The following CR2 variants were observed in gnomAD, a reference collection of about 807,000 sequenced individuals.
The protein encoded by CR2 is complement receptor type 2.
CR2 carries 96 observed loss-of-function variants against 123.0 expected under a neutral mutation model. The ratio of observed to expected loss-of-function variants is 0.78; its 90% CI spans 0.66 to 0.93. The LOEUF (loss-of-function observed/expected upper bound fraction) is 0.93, where lower values mean the gene tolerates loss of function less well. Among genes scored for constraint, CR2 ranks in the 40% least tolerant of loss-of-function variants. The pLI, the probability that CR2 is intolerant of heterozygous loss-of-function variation, is 0.00. For synonymous variants in CR2, 484 were observed against 469.5 expected (o/e 1.03, Z -0.40); for missense variants, 1,258 against 1,361.0 (o/e 0.92, Z 1.19).
At chr1:207,472,666 AC>A in intron 9 of CR2, 105 bp from the exon 10 acceptor site, 1 of 1,159,484 alleles carries the variant, frequency 8.6e-7, no homozygotes, top group Non-Finnish European at 1.3e-6. Flanking sequence ...ATGTACCCAT[AC>A]CGTCCAGGAA....
chr1:207,460,356 A>G (rs768171147), intron 1 of CR2, among the ~76,000 whole-genome samples: 1 of 152,102 alleles, frequency 6.6e-6, no homozygotes, highest in Non-Finnish European at 1.5e-5. Context: ...TATTCTTAGA[A>G]CCAGTCTTTG....
At position 207,471,067 on chromosome 1, in the gene CR2, C is replaced by A. The variant is rs1422039944; in HGVS notation, c.1473C>A (p.Val491=). Residue 491 remains valine, a synonymous_variant, in exon 8 of 20, where the codon GTC becomes GTA. Coordinates refer to ENST00000367057, the MANE Select transcript of CR2 (RefSeq NM_001006658.3). The part of the protein sequence containing the change: ...KPQHQFVRPD[V]NSSCGEGYKL... ...AGCACCAATTTGTTAGACCAGATGT[C>A]AACTCTTCTTGTGGTGAAGGGTGAG... is the stretch of plus-strand genomic sequence containing the variant. 1 of 1,613,632 alleles carries A rather than the reference C, an allele frequency of 6.2e-7. No homozygotes were observed. The highest frequency in any genetic ancestry group is 1.1e-5 in the South Asian group (1 of 91,060).
At chr1:207,465,700 T>C (rs1206782281) in intron 1 of CR2, among the ~76,000 whole-genome samples, 1 of 152,214 alleles carries the variant, frequency 6.6e-6, no homozygotes, top group African/African-American at 2.4e-5. Flanking sequence ...GTTCTAGAGG[T>C]TGGCAATTTT....
intron 16 of CR2, among the ~76,000 whole-genome samples, chr1:207,478,968 TTTTTTGTTTTTG>T (rs61547182): frequency 5.4e-4 from 81 of 150,848 alleles, no homozygotes; most frequent in East Asian, 4.1e-3. Flanking sequence ...TTATCTGTTG[TTTTTTGTTTTTG>T]TTTTTGTTTT....
Position 207,454,393 on chromosome 1 carries a change from C to T in CR2, c.-26C>T. ...GACGCTCGCGGGTCTCGGAACGCATCCCGCCGCGGGGGCTTCGGCCGTGGC... is the reference window on the plus strand; with the variant it reads ...GACGCTCGCGGGTCTCGGAACGCATTCCGCCGCGGGGGCTTCGGCCGTGGC... On this transcript the variant is annotated 5_prime_UTR_variant, in exon 1 of 20. Coordinates refer to ENST00000367057, the MANE Select transcript of CR2 (RefSeq NM_001006658.3). The surrounding 1 kb of genome is among the most constrained non-coding windows in gnomAD (Gnocchi z 4.3). The T allele has an allele frequency of 6.4e-7, 1 of 1,564,346 alleles. No individual in the cohort carries two copies. The highest frequency in any genetic ancestry group is 8.6e-7 in the Non-Finnish European group (1 of 1,161,658).
At chr1:207,470,219 C>T (rs1376403567) in intron 6 of CR2, 117 bp downstream of exon 6, 2 of 1,101,370 alleles carry the variant, frequency 1.8e-6, no homozygotes, top group African/African-American at 1.6e-5. Context: ...AAATCTACTA[C>T]ATCTAATCAA....
At position 207,473,124 on chromosome 1, in the gene CR2, G is replaced by T. The variant is rs779823491; in HGVS notation, c.1923G>T (p.Gln641His). The change falls in exon 10 of 20, where the codon CAG (glutamine) becomes CAT (histidine). Residue 641 changes from glutamine to histidine, a missense_variant. Gln to His is a conservative substitution (Grantham distance 24). Coordinates refer to ENST00000367057, the MANE Select transcript of CR2 (RefSeq NM_001006658.3). The part of the protein sequence containing the change: ...YSGFTLKGSS[Q>H]IRCKADNTWD... Reference sequence around the variant, plus strand: ...GATTTACTTTGAAGGGCAGTAGTCAGATTCGTTGCAAAGCTGATAACACCT... The same window carrying T: ...GATTTACTTTGAAGGGCAGTAGTCATATTCGTTGCAAAGCTGATAACACCT... 6.2e-6 allele frequency: 10 copies of T among 1,613,958 alleles called. No homozygotes were observed. Among genetic ancestry groups the T allele is most frequent in the Non-Finnish European group, 8.5e-6 (10 of 1,179,890 alleles).
At chr1:207,477,074 G>A (rs569672017) in intron 15 of CR2, among the ~76,000 whole-genome samples, 1 of 152,294 alleles carries the variant, frequency 6.6e-6, no homozygotes, top group East Asian at 1.9e-4. Context: ...AAGTACTAGA[G>A]CCAGGCTTCA....
chr1:207,464,390 C>T (rs1021821686), intron 1 of CR2, among the ~76,000 whole-genome samples: 15 of 152,134 alleles, frequency 9.9e-5, no homozygotes, highest in African/African-American at 3.1e-4. Context: ...AAAGGTATTC[C>T]TTGTAAGTCA....
Position 207,472,827 on chromosome 1 carries a change from C to T in CR2, c.1626C>T (p.Ser542=). 6.2e-7 allele frequency: 1 copy of T among 1,614,008 alleles called. No individual in the cohort carries two copies. Among genetic ancestry groups the T allele is most frequent in the Non-Finnish European group, 8.5e-7 (1 of 1,179,954 alleles). The part of the protein sequence containing the change: ...VIYNGAHTGS[S]LEDFPYGTTV... Reference sequence around the variant, plus strand: ...ACAATGGGGCACACACCGGGAGTTCCTTAGAAGATTTTCCATATGGAACCA... The same window carrying T: ...ACAATGGGGCACACACCGGGAGTTCTTTAGAAGATTTTCCATATGGAACCA... Residue 542 remains serine, a synonymous_variant, in exon 10 of 20, where the codon TCC becomes TCT. Coordinates refer to ENST00000367057, the MANE Select transcript of CR2 (RefSeq NM_001006658.3).
intron 17 of CR2, 84 bp downstream of exon 17, chr1:207,479,364 A>G: frequency 1.1e-6 from 1 of 941,608 alleles, no homozygotes; most frequent in Non-Finnish European, 1.7e-6. Context: ...ATCCTATCTG[A>G]TGATATATTT....
rs776195185 is a variant in CR2, at chr1:207,471,084, A to C, written c.1490A>C (p.Glu497Ala). 3 of 1,613,550 alleles carry C rather than the reference A, an allele frequency of 1.9e-6. No individual in the cohort carries two copies. The highest frequency in any genetic ancestry group is 2.5e-6 in the Non-Finnish European group (3 of 1,179,786). ...CCAGATGTCAACTCTTCTTGTGGTG[A>C]AGGGTGAGTGAAGGCTGACTTAGTC... Reference protein sequence around the residue: ...VRPDVNSSCGEGYKLSGSVYQ... With the variant: ...VRPDVNSSCGAGYKLSGSVYQ... The change falls in exon 8 of 20, where the codon GAA becomes GCA. Residue 497 changes from glutamate (E) to alanine (A), a missense_variant. Transcript: ENST00000367057.
Position 207,473,782 on chromosome 1 carries a change from T to G in CR2, c.2156-19T>G. The G allele has an allele frequency of 6.2e-7, 1 of 1,613,336 alleles. No individual in the cohort carries two copies. Among genetic ancestry groups the G allele is most frequent in the Non-Finnish European group, 8.5e-7 (1 of 1,179,272 alleles). On this transcript the variant is annotated intron_variant, in intron 11 of 19. Transcript: ENST00000367057. ...ATGAGACATCTATAAATACTGTAATTCCATCCTTGCTTCTCCAGAAACATG... is the reference window on the plus strand; with the variant it reads ...ATGAGACATCTATAAATACTGTAATGCCATCCTTGCTTCTCCAGAAACATG...
intron 18 of CR2, among the ~76,000 whole-genome samples, chr1:207,485,007 C>T (rs373587224): frequency 1.8e-4 from 27 of 152,298 alleles, no homozygotes; most frequent in African/African-American, 6.5e-4. Context: ...CTAGATCATT[C>T]ATTTTTTATG....
At chr1:207,467,718 C>T (rs528287290) in intron 2 of CR2, among the ~76,000 whole-genome samples, 152 of 152,164 alleles carry the variant, frequency 1.0e-3, no homozygotes, top group African/African-American at 2.8e-3. Context: ...GAGATCTTAA[C>T]GATAGTTACA....
At position 207,473,529 on chromosome 1, in the gene CR2, G is replaced by A. The variant is rs746928217; in HGVS notation, c.1979-16G>A. The A allele has an allele frequency of 6.2e-7, 1 of 1,610,348 alleles. No individual in the cohort carries two copies. The highest frequency in any genetic ancestry group is 1.7e-5 in the Admixed American group (1 of 59,970). The stretch of plus-strand genomic sequence containing the variant: ...TCCTCTGTGTTGGTATTTATGTAGG[G>A]AGTTTTTCTCTTCAGGCTGCCAGTC... On this transcript the variant is annotated splice_polypyrimidine_tract_variant and intron_variant, in intron 10 of 19. Coordinates refer to ENST00000367057, the MANE Select transcript of CR2 (RefSeq NM_001006658.3).
In CR2 at chr1:207,477,789, G is replaced by A. The variant is rs984809283; in HGVS notation, c.2903-96G>A. ...GCTTTCCTTACTGAGAGTGAAACAGGTTGGTTTTATAAATCTTTCTATTAA... is the reference window on the plus strand; with the variant it reads ...GCTTTCCTTACTGAGAGTGAAACAGATTGGTTTTATAAATCTTTCTATTAA... On this transcript the variant is annotated intron_variant, in intron 15 of 19. Coordinates refer to ENST00000367057, the MANE Select transcript of CR2 (RefSeq NM_001006658.3). 74 of 1,002,208 alleles carry A rather than the reference G, an allele frequency of 7.4e-5. No homozygotes were observed. In the Middle Eastern group the frequency reaches 1.3e-3, roughly 18 times the overall value. 62.1% of individuals were successfully genotyped at this position (1,002,208 alleles called of 1,614,324 possible).
intron 14 of CR2, 58 bp from the exon 15 acceptor site, chr1:207,476,176 G>A: frequency 6.5e-7 from 1 of 1,528,010 alleles, no homozygotes; most frequent in South Asian, 1.1e-5. Flanking sequence ...CCCAGAGATA[G>A]TGCAGGCTAT....
At chr1:207,464,927 G>C (rs1572949519) in intron 1 of CR2, among the ~76,000 whole-genome samples, 1 of 152,094 alleles carries the variant, frequency 6.6e-6, no homozygotes, top group African/African-American at 2.4e-5. Context: ...TGTTTGTTTT[G>C]TGTTTCTGTT....
Sources: gnomAD v4.1 joint callset for allele counts (sites outside exome capture counted in the v4.1 genomes callset) on GRCh38, gnomAD v4.1.1 for gene constraint, Gnocchi (gnomAD v3.1) non-coding constraint, MANE v1.5 for transcripts, NCBI Gene and HGNC (gene_info 2026-07-23, HGNC 2026-07-21) for gene names.